MSI2: variants seen among roughly 807,000 people sequenced by gnomAD.
MSI2 encodes musashi RNA binding protein 2.
A neutral mutation model predicts 45.6 loss-of-function variants in MSI2; 17 were observed. The observed-to-expected ratio is 0.37, with a 90% CI of 0.26 to 0.56. MSI2 has a LOEUF of 0.56. Ranked by LOEUF, MSI2 falls within the 20% of genes least tolerant of loss-of-function variation. The pLI, the probability that MSI2 is intolerant of heterozygous loss-of-function variation, is 0.77. For missense variants in MSI2, 293 were observed against 444.2 expected, an observed-to-expected ratio of 0.66 and a Z score of 3.06; for synonymous variants, 156 against 158.2, an observed-to-expected ratio of 0.99 and a Z score of 0.11.
chr17:57,534,155 C>T (rs1438762329), intron 7 of MSI2, among the ~76,000 whole-genome samples: 1 of 152,240 alleles, frequency 6.6e-6, no homozygotes, highest in Non-Finnish European at 1.5e-5. Context: ...CTGGTGAAAG[C>T]AGAGCTGGGA....
intron 7 of MSI2, among the ~76,000 whole-genome samples, chr17:57,560,959 C>T (rs923010747): frequency 1.3e-5 from 2 of 152,206 alleles, no homozygotes; most frequent in African/African-American, 4.8e-5. Context: ...AGATGGAAAG[C>T]CCACCATCCT....
intron 11 of MSI2, among the ~76,000 whole-genome samples, chr17:57,658,637 A>G (rs534659256): frequency 1.3e-5 from 2 of 152,364 alleles, no homozygotes; most frequent in South Asian, 4.1e-4. Context: ...CTCTAGTGCA[A>G]TTAGTGACTA....
At chr17:57,526,388 T>A in intron 6 of MSI2, among the ~76,000 whole-genome samples, 1 of 96,812 alleles carries the variant, frequency 1.0e-5, no homozygotes. Flanking sequence ...TGTGTGTGTG[T>A]GTGTGTGTGT....
intron 5 of MSI2, among the ~76,000 whole-genome samples, chr17:57,317,138 T>G (rs183987547): frequency 6.6e-6 from 1 of 152,200 alleles, no homozygotes; most frequent in Non-Finnish European, 1.5e-5. Context: ...CTTTGCCATC[T>G]CTGATAGGTT....
chr17:57,660,730 C>A (rs537642286), intron 11 of MSI2, among the ~76,000 whole-genome samples: 2 of 152,056 alleles, frequency 1.3e-5, no homozygotes, highest in African/African-American at 4.8e-5. Flanking sequence ...CCCAGGGGGC[C>A]GGGGAACATC....
intron 9 of MSI2, among the ~76,000 whole-genome samples, chr17:57,617,123 A>G (rs1179161184): frequency 2.0e-5 from 3 of 152,238 alleles, no homozygotes; most frequent in Non-Finnish European, 4.4e-5. Flanking sequence ...AATTGTATCT[A>G]CTTGTCTGAG....
intron 5 of MSI2, among the ~76,000 whole-genome samples, chr17:57,378,061 C>T (rs1168982507): frequency 1.6e-4 from 23 of 143,728 alleles, no homozygotes; most frequent in Admixed American, 5.7e-4. Flanking sequence ...GGTGACAGAG[C>T]GAGACATCAT....
chr17:57,326,191 T>A (rs1353593498), intron 5 of MSI2, among the ~76,000 whole-genome samples: 1 of 152,142 alleles, frequency 6.6e-6, no homozygotes, highest in Non-Finnish European at 1.5e-5. Context: ...ATCCCCCAAA[T>A]TTTGAAAGCC....
chr17:57,435,154 C>A (rs2084668844), intron 6 of MSI2, among the ~76,000 whole-genome samples: 1 of 151,970 alleles, frequency 6.6e-6, no homozygotes, highest in Non-Finnish European at 1.5e-5. Flanking sequence ...CTTGGGGCTA[C>A]TTTTGATGGG....
At chr17:57,686,730 T>C (rs1913892956), downstream of MSI2, among the ~76,000 whole-genome samples, 1 of 152,182 alleles carries the variant, frequency 6.6e-6, no homozygotes, top group Non-Finnish European at 1.5e-5. Flanking sequence ...ATGTCCCAAT[T>C]ATCAGAGGAA....
chr17:57,624,050 T>C (rs1034768913), intron 9 of MSI2, among the ~76,000 whole-genome samples: 1 of 152,196 alleles, frequency 6.6e-6, no homozygotes, highest in Non-Finnish European at 1.5e-5. Flanking sequence ...TGGGGTGAAC[T>C]TGACCATGCT....
At chr17:57,392,336 G>A (rs1313245871) in intron 5 of MSI2, among the ~76,000 whole-genome samples, 1 of 152,220 alleles carries the variant, frequency 6.6e-6, no homozygotes, top group Non-Finnish European at 1.5e-5. Context: ...GAGCCAGGTA[G>A]AGAGCTCTGA....
chr17:57,500,641 G>A (rs902782426), intron 6 of MSI2, among the ~76,000 whole-genome samples: 3 of 151,904 alleles, frequency 2.0e-5, no homozygotes, highest in African/African-American at 7.2e-5. Flanking sequence ...CTGAAGGTCA[G>A]GGCACTCAAT....
chr17:57,260,985 A>T (rs1907254472), intron 4 of MSI2, among the ~76,000 whole-genome samples: 2 of 152,246 alleles, frequency 1.3e-5, no homozygotes, highest in Admixed American at 1.3e-4. Flanking sequence ...AAAGGAAAAC[A>T]TTTTAATATG....
rs541364206 is a variant in MSI2, at chr17:57,575,066, G to A, written c.455-21802G>A. On this transcript the variant is annotated intron_variant, in intron 7 of 13. Coordinates refer to ENST00000284073, the MANE Select transcript of MSI2 (RefSeq NM_138962.4). ...AGGATGGTCTCAATCTCCTGACCTC[G>A]TGATCCGCCCACCTTGGCCTCCCAA... Among the ~76,000 whole-genome samples the A allele has an allele frequency of 3.3e-4, 50 of 151,974 alleles. No homozygotes were observed. In the South Asian group the frequency reaches 5.6e-3, roughly 17 times the overall value.
chr17:57,638,825 C>T (rs1413088176), intron 10 of MSI2, among the ~76,000 whole-genome samples: 1 of 152,096 alleles, frequency 6.6e-6, no homozygotes, highest in East Asian at 1.9e-4. Flanking sequence ...TCACTTGACC[C>T]GAGAAGTTCA....
intron 7 of MSI2, among the ~76,000 whole-genome samples, chr17:57,553,999 C>T (rs1289165286): frequency 2.6e-5 from 4 of 152,178 alleles, no homozygotes; most frequent in Non-Finnish European, 5.9e-5. Flanking sequence ...CAATTCTCCC[C>T]TCCCTCCCTG....
chr17:57,510,516 C>T (rs1035897139), intron 6 of MSI2, among the ~76,000 whole-genome samples: 5 of 152,048 alleles, frequency 3.3e-5, no homozygotes, highest in Admixed American at 3.3e-4. Flanking sequence ...CAACCTCCGC[C>T]TCCCGGGTTC....
intron 6 of MSI2, among the ~76,000 whole-genome samples, chr17:57,461,557 A>G (rs1475113914): frequency 6.8e-6 from 1 of 146,680 alleles, no homozygotes; most frequent in Non-Finnish European, 1.5e-5. Context: ...TTTTTGAGAC[A>G]TAGTCTCTTG....
Sources: gnomAD v4.1 joint callset for allele counts (sites outside exome capture counted in the v4.1 genomes callset) on GRCh38, gnomAD v4.1.1 for gene constraint, MANE v1.5 for transcripts, NCBI Gene and HGNC (gene_info 2026-07-23, HGNC 2026-07-21) for gene names.